The following AOC2 variants were observed in gnomAD, a reference collection of about 807,000 sequenced individuals.
AOC2 encodes the protein amine oxidase [copper-containing] 2.
Under a neutral mutation model 53.8 loss-of-function variants are expected in AOC2, and 57 were observed. The observed-to-expected ratio is 1.06, with a 90% CI of 0.86 to 1.32. The LOEUF (loss-of-function observed/expected upper bound fraction) is 1.32. Ranked by LOEUF, AOC2 falls within the 40% of genes most tolerant of loss-of-function variation. The pLI, the probability that AOC2 is intolerant of heterozygous loss-of-function variation, is 0.00. For synonymous variants in AOC2, 404 were observed against 399.0 expected, an observed-to-expected ratio of 1.01 and a Z score of -0.15; for missense variants, 1,008 against 957.2, an observed-to-expected ratio of 1.05 and a Z score of -0.70.
chr17:42,849,725 G>A lies in AOC2; in HGVS notation c.1999G>A (p.Gly667Arg), dbSNP rs1271234040. ...ADFINNETLLGEDLVAWVTAS... is the reference protein window; with the variant it reads ...ADFINNETLLREDLVAWVTAS... ...CTTCATCAACAATGAAACCCTCTTA[G>A]GAGAGGTTGGTTGCCCTAGGGACAT... Residue 667 changes from glycine (G) to arginine (R), a missense_variant, in exon 3 of 4, where the codon GGA (glycine) becomes AGA (arginine). Transcript: ENST00000253799. 2 of 1,614,106 alleles carry A rather than the reference G, an allele frequency of 1.2e-6. No homozygotes were observed. The highest frequency in any genetic ancestry group is 1.7e-6 in the Non-Finnish European group (2 of 1,180,048).
chr17:42,844,813 G>T lies in AOC2; in HGVS notation c.187G>T (p.Glu63Ter). The change falls in exon 1 of 4, where the codon GAG becomes TAG. Residue 63 changes from glutamate (E) to a stop codon, truncating the protein, a stop_gained. Coordinates refer to ENST00000253799, the MANE Select transcript of AOC2 (RefSeq NM_009590.4). LOFTEE classifies it high-confidence loss of function. ...GCTGTTTGCAGACCTGAGCCGAGAG[G>T]AGTTGACAGCTGTGATGCGCTTTCT... The part of the protein sequence containing the change: ...SQLFADLSRE[E>*]LTAVMRFLTQ... The T allele has an allele frequency of 6.2e-7, 1 of 1,614,072 alleles. No homozygotes were observed. The highest frequency in any genetic ancestry group is 8.5e-7 in the Non-Finnish European group (1 of 1,179,922).
At chr17:42,848,457 A>G (rs1434101765) in intron 1 of AOC2, among the ~76,000 whole-genome samples, 1 of 150,392 alleles carries the variant, frequency 6.6e-6, no homozygotes, top group Non-Finnish European at 1.5e-5. Flanking sequence ...TGTGGCTCTA[A>G]ACAATAGTCA....
chr17:42,844,888 T>C lies in AOC2; in HGVS notation c.262T>C (p.Ser88Pro). ...GLVDAAQAQP[S>P]DNCIFSVELQ... ...GGTGGACGCAGCCCAGGCTCAGCCC[T>C]CGGACAACTGCATCTTCTCAGTGGA... is the stretch of plus-strand genomic sequence containing the variant. The change falls in exon 1 of 4, where the codon TCG becomes CCG. Residue 88 changes from serine to proline, a missense_variant. Coordinates refer to ENST00000253799, the MANE Select transcript of AOC2 (RefSeq NM_009590.4). 6.2e-7 allele frequency: 1 copy of C among 1,612,700 alleles called. No homozygotes were observed. Among genetic ancestry groups the C allele is most frequent in the Non-Finnish European group, 8.5e-7 (1 of 1,179,342 alleles).
chr17:42,849,975 C>G, intron 3 of AOC2, 107 bp from the exon 4 acceptor site: 1 of 1,473,930 alleles, frequency 6.8e-7, no homozygotes, highest in Non-Finnish European at 9.3e-7. Flanking sequence ...GGGCATGAGG[C>G]TGGGGAGAGT....
In AOC2 at chr17:42,844,964, G is replaced by GCCC. The variant is rs773779479; in HGVS notation, c.342_344dup (p.Pro116dup). 1.2e-6 allele frequency: 2 copies of GCCC among 1,610,708 alleles called. No individual in the cohort carries two copies. The highest frequency in any genetic ancestry group is 1.7e-6 in the Non-Finnish European group (2 of 1,177,990). The stretch of plus-strand genomic sequence containing the variant: ...GCCCTGGCCCACCTGGACAGGGGGA[G>GCCC]CCCCCCACCTGCCCGGGAGGCACTG... On this transcript the variant is annotated inframe_insertion, in exon 1 of 4. Transcript: ENST00000253799.
chr17:42,849,501 G>T, intron 2 of AOC2, 100 bp from the exon 3 acceptor site: 1 of 1,591,724 alleles, frequency 6.3e-7, no homozygotes, highest in Non-Finnish European at 8.6e-7. Flanking sequence ...TTAGATACAC[G>T]GTGGGAAATG....
chr17:42,845,339 GGC>G lies in AOC2; in HGVS notation c.714_715del (p.Leu239GlyfsTer37), dbSNP rs759731874. ...GTTGGTCTTTTCCTTCACCCCGTGG[GGC>G]TGGAGCTACTACTGGACCACAGGGC... On this transcript the variant is annotated frameshift_variant, in exon 1 of 4. Transcript: ENST00000253799. LOFTEE classifies it high-confidence loss of function. 6.2e-7 allele frequency: 1 copy of G among 1,614,170 alleles called. No individual in the cohort carries two copies. The highest frequency in any genetic ancestry group is 8.5e-7 in the Non-Finnish European group (1 of 1,180,030).
At chr17:42,849,419 T>G in intron 2 of AOC2, 48 bp downstream of exon 2, 1 of 1,592,428 alleles carries the variant, frequency 6.3e-7, no homozygotes, top group Non-Finnish European at 8.6e-7. Flanking sequence ...GCCCCTCCCC[T>G]GCCCCAGTCC....
At chr17:42,849,464 A>G in intron 2 of AOC2, 93 bp downstream of exon 2, 1 of 1,575,558 alleles carries the variant, frequency 6.3e-7, no homozygotes. Context: ...GCTACCATTC[A>G]TCCCTGTACC....
Position 42,850,473 on chromosome 17 carries a change from G to A in AOC2, c.*125G>A, listed in dbSNP as rs576852504. 5.3e-5 allele frequency: 62 copies of A among 1,164,354 alleles called. No individual in the cohort carries two copies. In the South Asian group the frequency reaches 7.6e-4, roughly 14 times the overall value. The allele number at this position is 1,164,354 out of a possible 1,614,324, so 72.1% of individuals were successfully genotyped here. A position where few individuals can be genotyped will look rare whatever the true frequency, so the allele number is the denominator to read the frequency against. ...CACCCCCTCAATGTTCCTCTCACACGAAACCCCCATCAGTCCCTTTGGTTA... is the reference window on the plus strand; with the variant it reads ...CACCCCCTCAATGTTCCTCTCACACAAAACCCCCATCAGTCCCTTTGGTTA... On this transcript the variant is annotated 3_prime_UTR_variant, in exon 4 of 4. Transcript: ENST00000253799.
At position 42,846,010 on chromosome 17, in the gene AOC2, G is replaced by T. The variant is rs758242644; in HGVS notation, c.1384G>T (p.Val462Leu). The T allele has an allele frequency of 2.5e-6, 4 of 1,614,084 alleles. No homozygotes were observed. Among genetic ancestry groups the T allele is most frequent in the Non-Finnish European group, 3.4e-6 (4 of 1,179,928 alleles). The change falls in exon 1 of 4, where the codon GTG (valine) becomes TTG (leucine). Residue 462 changes from valine (V) to leucine (L), a missense_variant. Transcript: ENST00000253799. ...CCTTGTGGTCAGGTCTGTGTCATCT[G>T]TGGGCAACTATGACTACATTTGGGA... is the stretch of plus-strand genomic sequence containing the variant. The part of the protein sequence containing the change: ...SALVVRSVSS[V>L]GNYDYIWDFV...
chr17:42,845,715 A>G lies in AOC2; in HGVS notation c.1089A>G (p.Val363=), dbSNP rs1236662431. 3 of 1,614,076 alleles carry G rather than the reference A, an allele frequency of 1.9e-6. No individual in the cohort carries two copies. Among genetic ancestry groups the G allele is most frequent in the East Asian group, 2.2e-5 (1 of 44,868 alleles). Residue 363 remains valine, a synonymous_variant, in exon 1 of 4, where the codon GTA becomes GTG. Transcript: ENST00000253799. Reference sequence around the variant, plus strand: ...ATGAAGTCAGTGTCCAGGAGTGTGTATCTATCTATGGTGCCGATTCACCCA... The same window carrying G: ...ATGAAGTCAGTGTCCAGGAGTGTGTGTCTATCTATGGTGCCGATTCACCCA... The part of the protein sequence containing the change: ...IAYEVSVQEC[V]SIYGADSPKT...
At position 42,844,753 on chromosome 17, in the gene AOC2, AG is replaced by A; in HGVS notation, c.130del (p.Ala44ProfsTer16). 6.2e-7 allele frequency: 1 copy of A among 1,614,176 alleles called. No homozygotes were observed. Among genetic ancestry groups the A allele is most frequent in the Non-Finnish European group, 8.5e-7 (1 of 1,180,024 alleles). On this transcript the variant is annotated frameshift_variant, in exon 1 of 4. Transcript: ENST00000253799. LOFTEE classifies it high-confidence loss of function. ...TCCCCACTGCCCCTCTGTATCCCAT[AG>A]GGCCCAGCCCTGGCCACACCCTGGC... is the stretch of plus-strand genomic sequence containing the variant. ...QPPHCPSVSH[R>X]AQPWPHPGQS...
intron 1 of AOC2, among the ~76,000 whole-genome samples, chr17:42,846,727 C>T (rs574876663): frequency 6.6e-6 from 1 of 152,272 alleles, no homozygotes; most frequent in African/African-American, 2.4e-5. Flanking sequence ...TAGGGCCACT[C>T]CTCATCGGGA....
Position 42,844,769 on chromosome 17 carries a change from C to A in AOC2, c.143C>A (p.Pro48Gln). 1.2e-6 allele frequency: 2 copies of A among 1,614,244 alleles called. No individual in the cohort carries two copies. The highest frequency in any genetic ancestry group is 1.7e-6 in the Non-Finnish European group (2 of 1,180,034). Reference protein sequence around the residue: ...PSVSHRAQPWPHPGQSQLFAD... With the variant: ...PSVSHRAQPWQHPGQSQLFAD... ...GTATCCCATAGGGCCCAGCCCTGGC[C>A]ACACCCTGGCCAGAGCCAGCTGTTT... Residue 48 changes from proline (P) to glutamine (Q), a missense_variant, in exon 1 of 4, where the codon CCA becomes CAA. By Grantham distance (76) the Pro-to-Gln change is moderately conservative. Transcript: ENST00000253799.
chr17:42,844,993 A>G lies in AOC2; in HGVS notation c.367A>G (p.Ile123Val), dbSNP rs1406946179. 3 of 1,612,270 alleles carry G rather than the reference A, an allele frequency of 1.9e-6. No homozygotes were observed. Among genetic ancestry groups the G allele is most frequent in the Admixed American group, 1.7e-5 (1 of 59,990 alleles). ...SPPPAREALAIVLFGGQPQPN... is the reference protein window; with the variant it reads ...SPPPAREALAVVLFGGQPQPN... ...CCCACCTGCCCGGGAGGCACTGGCC[A>G]TCGTCCTCTTTGGTGGACAACCCCA... The change falls in exon 1 of 4, where the codon ATC (isoleucine) becomes GTC (valine). Residue 123 changes from isoleucine (I) to valine (V), a missense_variant. Ile to Val is a conservative substitution (Grantham distance 29). Transcript: ENST00000253799.
At position 42,845,374 on chromosome 17, in the gene AOC2, C is replaced by G; in HGVS notation, c.748C>G (p.Pro250Ala). Reference protein sequence around the residue: ...ELLLDHRALDPAHWTVQQVFY... With the variant: ...ELLLDHRALDAAHWTVQQVFY... ...ACTACTGGACCACAGGGCCCTGGAC[C>G]CTGCCCACTGGACTGTCCAGCAGGT... is the stretch of plus-strand genomic sequence containing the variant. Residue 250 changes from proline to alanine, a missense_variant, in exon 1 of 4, where the codon CCT (proline) becomes GCT (alanine). Physicochemically the swap from Pro to Ala is conservative, Grantham distance 27 (BLOSUM62 -1). Coordinates refer to ENST00000253799, the MANE Select transcript of AOC2 (RefSeq NM_009590.4). The G allele has an allele frequency of 1.2e-6, 2 of 1,614,204 alleles. No individual in the cohort carries two copies. The highest frequency in any genetic ancestry group is 1.7e-6 in the Non-Finnish European group (2 of 1,180,024).
In AOC2 at chr17:42,844,807, C is replaced by A; in HGVS notation, c.181C>A (p.Arg61=). Residue 61 remains arginine (R), a synonymous_variant, in exon 1 of 4, where the codon CGA becomes AGA. Transcript: ENST00000253799. ...GAGCCAGCTGTTTGCAGACCTGAGC[C>A]GAGAGGAGTTGACAGCTGTGATGCG... ...GQSQLFADLS[R]EELTAVMRFL... The A allele has an allele frequency of 4.3e-6, 7 of 1,614,058 alleles. No individual in the cohort carries two copies. The highest frequency in any genetic ancestry group is 5.9e-6 in the Non-Finnish European group (7 of 1,179,942).
Position 42,845,770 on chromosome 17 carries a change from A to G in AOC2, c.1144A>G (p.Ser382Gly). ...KTMLTRYLDS[S>G]FGLGRNSRGL... ...GATGCTGACTCGCTATTTGGATAGC[A>G]GCTTTGGACTCGGCCGTAACAGCCG... Residue 382 changes from serine to glycine, a missense_variant, in exon 1 of 4, where the codon AGC becomes GGC. Coordinates refer to ENST00000253799, the MANE Select transcript of AOC2 (RefSeq NM_009590.4). The G allele has an allele frequency of 6.2e-7, 1 of 1,614,172 alleles. No homozygotes were observed. The highest frequency in any genetic ancestry group is 2.2e-5 in the East Asian group (1 of 44,880).
Sources: allele counts gnomAD v4.1 joint callset (sites outside exome capture counted in the v4.1 genomes callset), GRCh38; gene constraint gnomAD v4.1.1; transcripts MANE v1.5; gene names NCBI Gene and HGNC (gene_info 2026-07-23, HGNC 2026-07-21).